The following MAN2A2 variants were observed in gnomAD, a reference collection of about 807,000 sequenced individuals.
MAN2A2 encodes alpha-mannosidase 2x.
Under a neutral mutation model 126.8 loss-of-function variants are expected in MAN2A2, and 79 were observed. The observed-to-expected ratio is 0.62, with a 90% CI of 0.52 to 0.75. The LOEUF is 0.75. Ranked by LOEUF, MAN2A2 falls within the 30% of genes least tolerant of loss-of-function variation. MAN2A2 has a pLI of 0.00. For synonymous variants in MAN2A2, 671 were observed against 618.7 expected (o/e 1.08, Z -1.25); for missense variants, 1,392 against 1,522.4 (o/e 0.91, Z 1.43).
rs779313132 is a variant in MAN2A2 at position 90,919,615 on chromosome 15, C to G, written c.3301-20C>G. 4.3e-6 allele frequency: 7 copies of G among 1,613,142 alleles called. No homozygotes were observed. In the East Asian group the frequency reaches 8.9e-5, roughly 21 times the overall value. On this transcript the variant is annotated intron_variant, in intron 22 of 22. Transcript: ENST00000559717. ...GTCTCGGCACCTAGCACAACCCTGCCCCTTCTCTGCTCTCCACAGGTAGCC... is the reference window on the plus strand; with the variant it reads ...GTCTCGGCACCTAGCACAACCCTGCGCCTTCTCTGCTCTCCACAGGTAGCC...
chr15:90,908,584 A>T (rs2034478157), intron 8 of MAN2A2, among the ~76,000 whole-genome samples: 1 of 144,640 alleles, frequency 6.9e-6, no homozygotes, highest in Non-Finnish European at 1.5e-5. Flanking sequence ...ATTTAATTTA[A>T]TTTTTTTTTT....
chr15:90,904,339 G>GGTGAGTC lies in MAN2A2; in HGVS notation c.132+4_132+10dup. On this transcript the variant is annotated frameshift_variant and splice_region_variant. Coordinates refer to ENST00000559717, the MANE Select transcript of MAN2A2 (RefSeq NM_006122.4). LOFTEE classifies it high-confidence loss of function. ...ACCAGAATGGTGGGAACTTCCCCCG[G>GGTGAGTC]GTGAGTCGTGCCTGGTTGCTAATTT... is the stretch of plus-strand genomic sequence containing the variant. 6.2e-7 allele frequency: 1 copy of GGTGAGTC among 1,613,166 alleles called. No homozygotes were observed. The highest frequency in any genetic ancestry group is 1.7e-4 in the Middle Eastern group (1 of 6,056).
At chr15:90,918,883 A>G in intron 22 of MAN2A2, 128 bp downstream of exon 22, 1 of 688,410 alleles carries the variant, frequency 1.5e-6, no homozygotes, top group Admixed American at 2.4e-5. Context: ...GAAGGGGGGA[A>G]GCTGTAGACA....
chr15:90,918,581 G>A (rs1286701003), intron 21 of MAN2A2, 64 bp from the exon 22 acceptor site: 14 of 1,280,376 alleles, frequency 1.1e-5, no homozygotes, highest in African/African-American at 8.8e-5. Context: ...GGGCAGAGGC[G>A]CTGCTGCATC....
At chr15:90,915,912 T>A (rs1596174485) in intron 19 of MAN2A2, 1 of 530,038 alleles carries the variant, frequency 1.9e-6, no homozygotes, top group East Asian at 3.1e-5. Flanking sequence ...CTGGACCTCA[T>A]GCTTCCTCAT....
chr15:90,916,170 C>T lies in MAN2A2; in HGVS notation c.2908C>T (p.Arg970Trp), dbSNP rs552386397. The stretch of plus-strand genomic sequence containing the variant: ...CCGGCGGCTGATGCAGGATGACAAC[C>T]GGGGCCTAGGCCAAGGGCTCAAGGA... Reference protein sequence around the residue: ...LDRRLMQDDNRGLGQGLKDNK... With the variant: ...LDRRLMQDDNWGLGQGLKDNK... The change falls in exon 20 of 23, where the codon CGG becomes TGG. Residue 970 changes from arginine to tryptophan, a missense_variant. Physicochemically the swap from Arg to Trp is moderately radical, Grantham distance 101. Transcript: ENST00000559717. The T allele has an allele frequency of 5.6e-6, 9 of 1,614,116 alleles. No individual in the cohort carries two copies. The highest frequency in any genetic ancestry group is 1.1e-5 in the South Asian group (1 of 91,082).
chr15:90,911,695 A>G (rs1035756231), intron 14 of MAN2A2, 145 bp downstream of exon 14: 1 of 871,276 alleles, frequency 1.1e-6, no homozygotes, highest in Non-Finnish European at 1.7e-6. Context: ...GGGGTTGTCC[A>G]GAAGACAGGC....
Position 90,907,200 on chromosome 15 carries a change from G to T in MAN2A2, c.1010-109G>T. Reference sequence around the variant, plus strand: ...CACACTCTCTCCAGCCCTAGGTCCAGTTACAGCCTCGCGGTCTATCAGGGC... The same window carrying T: ...CACACTCTCTCCAGCCCTAGGTCCATTTACAGCCTCGCGGTCTATCAGGGC... On this transcript the variant is annotated intron_variant, in intron 7 of 22. Coordinates refer to ENST00000559717, the MANE Select transcript of MAN2A2 (RefSeq NM_006122.4). The T allele has an allele frequency of 2.6e-6, 3 of 1,147,246 alleles. No homozygotes were observed. The South Asian group carries it at 4.2e-5, about 16-fold the overall frequency. The allele number at this position is 1,147,246 out of a possible 1,614,324, so 71.1% of individuals were successfully genotyped here.
chr15:90,907,327 A>G lies in MAN2A2; in HGVS notation c.1028A>G (p.Asp343Gly), dbSNP rs1359094146. ...CCTGCAGACTCGGACTCCAGCACAG[A>G]CATCTTCTGTCACATGATGCCCTTC... The part of the protein sequence containing the change: ...RQTWDSDSST[D>G]IFCHMMPFYS... Residue 343 changes from aspartate to glycine, a missense_variant, in exon 8 of 23, where the codon GAC (aspartate) becomes GGC (glycine). Transcript: ENST00000559717. 1 of 1,613,928 alleles carries G rather than the reference A, an allele frequency of 6.2e-7. No homozygotes were observed. Among genetic ancestry groups the G allele is most frequent in the Admixed American group, 1.7e-5 (1 of 60,018 alleles).
intron 2 of MAN2A2, among the ~76,000 whole-genome samples, chr15:90,904,688 C>T (rs184815728): frequency 0.012 from 1,820 of 151,880 alleles, 47 homozygotes; most frequent in African/African-American, 0.042. Flanking sequence ...CTCCCAGGTT[C>T]AAGCAATTCT....
Position 90,906,019 on chromosome 15 carries a change from C to A in MAN2A2, c.707+3C>A. 3 of 1,613,608 alleles carry A rather than the reference C, an allele frequency of 1.9e-6. No homozygotes were observed. Among genetic ancestry groups the A allele is most frequent in the Non-Finnish European group, 2.5e-6 (3 of 1,180,018 alleles). ...CAAAAGAGAGCGGCAGTCCGAAGGC[C>A]AGTACCAGGCGGGGAGGCATGGGAG... On this transcript the variant is annotated splice_donor_region_variant and intron_variant, in intron 5 of 22. Coordinates refer to ENST00000559717, the MANE Select transcript of MAN2A2 (RefSeq NM_006122.4).
rs1484234177 is a variant in MAN2A2 at position 90,920,056 on chromosome 15, G to A, written c.*269G>A. 3 of 407,824 alleles carry A rather than the reference G, an allele frequency of 7.4e-6. No homozygotes were observed. Among genetic ancestry groups the A allele is most frequent in the Middle Eastern group, 6.6e-4 (1 of 1,504 alleles). The allele number at this position is 407,824 out of a possible 1,614,324, so 25.3% of individuals were successfully genotyped here. A position where few individuals can be genotyped will look rare whatever the true frequency, so the allele number is the denominator to read the frequency against. On this transcript the variant is annotated 3_prime_UTR_variant, in exon 23 of 23. Transcript: ENST00000559717. ...GCAGTGCCAGGCTCTGCTTTGGGTT[G>A]TGAGTGGACACCCAACTGGGCACAG...
rs747067505 is a variant in MAN2A2 at position 90,906,412 on chromosome 15, G to A, written c.750G>A (p.Trp250Ter). Residue 250 changes from tryptophan (W) to a stop codon, truncating the protein, a stop_gained, in exon 6 of 23, where the codon TGG becomes TGA. Coordinates refer to ENST00000559717, the MANE Select transcript of MAN2A2 (RefSeq NM_006122.4). LOFTEE classifies it high-confidence loss of function. ...NGQLEIATGG[W>*]VMPDEANSHY... is the part of the protein sequence containing the mutation. Reference sequence around the variant, plus strand: ...AGCTGGAGATTGCGACAGGAGGCTGGGTGATGCCAGATGAGGCCAATTCCC... The same window carrying A: ...AGCTGGAGATTGCGACAGGAGGCTGAGTGATGCCAGATGAGGCCAATTCCC... The A allele has an allele frequency of 6.2e-7, 1 of 1,614,052 alleles. No homozygotes were observed. Among genetic ancestry groups the A allele is most frequent in the Non-Finnish European group, 8.5e-7 (1 of 1,180,018 alleles).
At chr15:90,919,325 C>T (rs932432569) in intron 22 of MAN2A2, among the ~76,000 whole-genome samples, 19 of 152,220 alleles carry the variant, frequency 1.2e-4, no homozygotes, top group Non-Finnish European at 1.5e-4. Context: ...CTGCAACCCC[C>T]GCCTCCTGGT....
chr15:90,918,626 G>C lies in MAN2A2; in HGVS notation c.3190-19G>C. ...TGAAAGCCCTGCGCCCACTTCCCTG[G>C]GCACTGTCTGTCATCCAGGAGGACA... is the stretch of plus-strand genomic sequence containing the variant. On this transcript the variant is annotated intron_variant, in intron 21 of 22. Transcript: ENST00000559717. 6.7e-7 allele frequency: 1 copy of C among 1,487,196 alleles called. No homozygotes were observed. The highest frequency in any genetic ancestry group is 9.4e-7 in the Non-Finnish European group (1 of 1,066,516). 92.1% of individuals were successfully genotyped at this position (1,487,196 alleles called of 1,614,324 possible).
intron 8 of MAN2A2, among the ~76,000 whole-genome samples, chr15:90,909,026 A>T (rs959227903): frequency 2.6e-5 from 4 of 152,054 alleles, no homozygotes; most frequent in Non-Finnish European, 5.9e-5. Context: ...CGGGGTCCAG[A>T]CCCTTCACTT....
Position 90,916,166 on chromosome 15 carries a change from C to T in MAN2A2, c.2904C>T (p.Asp968=), listed in dbSNP as rs751993680. The change falls in exon 20 of 23, where the codon GAC becomes GAT. Residue 968 remains aspartate (D), a synonymous_variant. Transcript: ENST00000559717. The part of the protein sequence containing the change: ...VILDRRLMQD[D]NRGLGQGLKD... ...TGGACCGGCGGCTGATGCAGGATGA[C>T]AACCGGGGCCTAGGCCAAGGGCTCA... 6 of 1,614,098 alleles carry T rather than the reference C, an allele frequency of 3.7e-6. No individual in the cohort carries two copies. The highest frequency in any genetic ancestry group is 3.3e-5 in the South Asian group (3 of 91,086).
chr15:90,920,341 G>A lies in MAN2A2; in HGVS notation c.*554G>A, dbSNP rs943841984. 6.5e-6 allele frequency: 1 copy of A among 152,946 alleles called. No individual in the cohort carries two copies. The highest frequency in any genetic ancestry group is 1.5e-5 in the Non-Finnish European group (1 of 68,554). 9.5% of individuals were successfully genotyped at this position (152,946 alleles called of 1,614,324 possible). A position where few individuals can be genotyped will look rare whatever the true frequency, so the allele number is the denominator to read the frequency against. ...GTAGAAGGAATCACTGTTTCTCCTA[G>A]GAGTCTGAAGGCCTCGCTGCTTTCT... On this transcript the variant is annotated 3_prime_UTR_variant, in exon 23 of 23. Transcript: ENST00000559717.
intron 5 of MAN2A2, 46 bp from the exon 6 acceptor site, chr15:90,906,324 G>A (rs964476399): frequency 4.3e-6 from 7 of 1,611,452 alleles, no homozygotes; most frequent in African/African-American, 1.3e-5. Flanking sequence ...TGGCAGGACT[G>A]GGCAGAGTGT....
Sources: gnomAD v4.1 joint callset for allele counts (sites outside exome capture counted in the v4.1 genomes callset) on GRCh38, gnomAD v4.1.1 for gene constraint, MANE v1.5 for transcripts, NCBI Gene and HGNC (gene_info 2026-07-23, HGNC 2026-07-21) for gene names.